PCNX4: variants seen among roughly 807,000 people sequenced by gnomAD.
The protein encoded by PCNX4 is pecanex 4.
Under a neutral mutation model 107.2 loss-of-function variants are expected in PCNX4, and 103 were observed. The observed-to-expected ratio is 0.96, with a 90% confidence interval of 0.82 to 1.13. The LOEUF is 1.13. Ranked by LOEUF, PCNX4 falls within the 50% of genes most tolerant of loss-of-function variation. PCNX4 has a pLI of 0.00. For missense variants in PCNX4, 1,528 were observed against 1,379.4 expected (o/e 1.11, Z -1.71); for synonymous variants, 541 against 481.7 (o/e 1.12, Z -1.61).
chr14:60,124,934 G>A lies in PCNX4; in HGVS notation c.2763G>A (p.Met921Ile). The change falls in exon 9 of 11, where the codon ATG (methionine) becomes ATA (isoleucine). Residue 921 changes from methionine (M) to isoleucine (I), a missense_variant. Met to Ile is a conservative substitution (Grantham distance 10). Transcript: ENST00000406854. ...CLPAEWRTSC[M>I]PSSKMKEMSS... ...CCGCAGAGTGGAGGACTAGCTGTAT[G>A]CCCAGTTCCAAAATGAAGGAGATGA... 3 of 1,613,840 alleles carry A rather than the reference G, an allele frequency of 1.9e-6. No homozygotes were observed. The highest frequency in any genetic ancestry group is 2.5e-6 in the Non-Finnish European group (3 of 1,179,776).
Position 60,137,471 on chromosome 14 carries a change from C to T in PCNX4, c.*3250C>T, listed in dbSNP as rs143672504. The T allele has an allele frequency of 6.6e-6, 1 of 152,288 alleles. No individual in the cohort carries two copies. The highest frequency in any genetic ancestry group is 1.9e-4 in the East Asian group (1 of 5,188). The allele number at this position is 152,288 out of a possible 1,614,324, so 9.4% of individuals were successfully genotyped here. A position where few individuals can be genotyped will look rare whatever the true frequency, so the allele number is the denominator to read the frequency against. ...GATTCAGGTGACCCTTTGCTGCAGC[C>T]GCTACCCAGAGCAAATGTAAATCCT... On this transcript the variant is annotated 3_prime_UTR_variant, in exon 11 of 11. Transcript: ENST00000406854.
intron 10 of PCNX4, chr14:60,126,107 A>C (rs1388724972): frequency 5.2e-6 from 1 of 194,102 alleles, no homozygotes; most frequent in Non-Finnish European, 1.0e-5. Flanking sequence ...GTATGCTATA[A>C]CATATTTGAT....
intron 2 of PCNX4, among the ~76,000 whole-genome samples, chr14:60,113,535 A>AT (rs1317034069): frequency 6.6e-6 from 1 of 151,764 alleles, no homozygotes; most frequent in East Asian, 1.9e-4. Context: ...CACCCAGCTA[A>AT]TTTTTGTATT....
In PCNX4 at chr14:60,145,152, T is replaced by A; in HGVS notation, c.*10931T>A. ...TCTTTACAAAAGTTCAGAAACTGCT[T>A]AAATTAGAATTTAAAAATCATAGCC... is the stretch of plus-strand genomic sequence containing the variant. On this transcript the variant is annotated 3_prime_UTR_variant, in exon 11 of 11. Transcript: ENST00000406854. This position sits in a 1 kb window ranked among gnomAD's most constrained non-coding sequence, Gnocchi z 4.0. 1 of 561,706 alleles carries A rather than the reference T, an allele frequency of 1.8e-6. No homozygotes were observed. Among genetic ancestry groups the A allele is most frequent in the Non-Finnish European group, 2.9e-6 (1 of 341,642 alleles). 34.8% of individuals were successfully genotyped at this position (561,706 alleles called of 1,614,324 possible). A position where few individuals can be genotyped will look rare whatever the true frequency, so the allele number is the denominator to read the frequency against.
At chr14:60,106,075 G>A (rs1054651803) in intron 1 of PCNX4, among the ~76,000 whole-genome samples, 2 of 152,140 alleles carry the variant, frequency 1.3e-5, no homozygotes, top group Non-Finnish European at 2.9e-5. Flanking sequence ...AGACAAGCTC[G>A]TACGGAGGGG....
intron 1 of PCNX4, among the ~76,000 whole-genome samples, chr14:60,098,944 GAAAA>G (rs113426666): frequency 8.3e-6 from 1 of 120,930 alleles, no homozygotes; most frequent in East Asian, 2.4e-4. Flanking sequence ...GTCTCAAAAA[GAAAA>G]AAAAAAAAAG....
Position 60,101,247 on chromosome 14 carries a change from T to C in PCNX4, c.-53-6339T>C, listed in dbSNP as rs537701262. Among the ~76,000 whole-genome samples the C allele has an allele frequency of 3.2e-4, 48 of 152,320 alleles. 1 individual carries two copies. In the South Asian group the frequency reaches 8.7e-3, roughly 28 times the overall value. On this transcript the variant is annotated intron_variant, in intron 1 of 10. Coordinates refer to ENST00000406854, the MANE Select transcript of PCNX4 (RefSeq NM_001330177.2). The stretch of plus-strand genomic sequence containing the variant: ...TGATGTCTTATGCCTCCCTAAAATA[T>C]ATAAAACTAAGCTGTACCTTAGCCA...
chr14:60,134,330 T>TA lies in PCNX4; in HGVS notation c.*109_*110insA. 7.4e-7 allele frequency: 1 copy of TA among 1,360,014 alleles called. No homozygotes were observed. The highest frequency in any genetic ancestry group is 1.0e-6 in the Non-Finnish European group (1 of 988,648). 84.2% of individuals were successfully genotyped at this position (1,360,014 alleles called of 1,614,324 possible). On this transcript the variant is annotated 3_prime_UTR_variant, in exon 11 of 11. Coordinates refer to ENST00000406854, the MANE Select transcript of PCNX4 (RefSeq NM_001330177.2). ...GGACTTCTCCACACCCCCATTCAGA[T>TA]GCCTGAGAACAGCTAAGCTCCGTAA...
chr14:60,113,890 T>C (rs528866083), intron 2 of PCNX4, among the ~76,000 whole-genome samples: 1 of 152,326 alleles, frequency 6.6e-6, no homozygotes, highest in South Asian at 2.1e-4. Flanking sequence ...TAAAATTAAA[T>C]TATTTGAAGC....
In PCNX4 at chr14:60,134,372, C is replaced by T; in HGVS notation, c.*151C>T. ...GCTCCGTAAAGTTGGTTCTCTTAGC[C>T]ATCTTAATGGTTCTAAAAAACAGCA... On this transcript the variant is annotated 3_prime_UTR_variant, in exon 11 of 11. Coordinates refer to ENST00000406854, the MANE Select transcript of PCNX4 (RefSeq NM_001330177.2). The T allele has an allele frequency of 1.1e-6, 1 of 942,642 alleles. No individual in the cohort carries two copies. Among genetic ancestry groups the T allele is most frequent in the Non-Finnish European group, 1.6e-6 (1 of 634,076 alleles). 58.4% of individuals were successfully genotyped at this position (942,642 alleles called of 1,614,324 possible). A position where few individuals can be genotyped will look rare whatever the true frequency, so the allele number is the denominator to read the frequency against.
chr14:60,107,453 G>A, intron 1 of PCNX4, 133 bp from the exon 2 acceptor site: 2 of 569,138 alleles, frequency 3.5e-6, no homozygotes. Context: ...GTGCCAGAAA[G>A]GGGTCTGAGA....
At chr14:60,104,791 C>T (rs1193414429) in intron 1 of PCNX4, among the ~76,000 whole-genome samples, 1 of 152,172 alleles carries the variant, frequency 6.6e-6, no homozygotes, top group African/African-American at 2.4e-5. Context: ...TTATCTCCCA[C>T]CAGGTCCCTC....
At chr14:60,132,116 C>T (rs758042906) in intron 10 of PCNX4, among the ~76,000 whole-genome samples, 2 of 152,184 alleles carry the variant, frequency 1.3e-5, no homozygotes, top group Non-Finnish European at 1.5e-5. Context: ...AGTAGAGCCA[C>T]GCTTCCTCTA....
chr14:60,111,951 G>A (rs1261696641), intron 2 of PCNX4, among the ~76,000 whole-genome samples: 3 of 152,222 alleles, frequency 2.0e-5, no homozygotes, highest in Non-Finnish European at 2.9e-5. Context: ...CAATAGGTGT[G>A]ATACTGCTGC....
At position 60,108,340 on chromosome 14, in the gene PCNX4, C is replaced by T; in HGVS notation, c.689+13C>T. The T allele has an allele frequency of 6.4e-7, 1 of 1,558,292 alleles. No individual in the cohort carries two copies. The highest frequency in any genetic ancestry group is 8.7e-7 in the Non-Finnish European group (1 of 1,147,686). ...ATCTGGCACACAGGTAAAAACCTAC[C>T]AAATACTTTGTAACTAACTTTGTTT... On this transcript the variant is annotated intron_variant, in intron 2 of 10. Coordinates refer to ENST00000406854, the MANE Select transcript of PCNX4 (RefSeq NM_001330177.2).
Position 60,115,262 on chromosome 14 carries a change from T to G in PCNX4, c.1158T>G (p.Asn386Lys), listed in dbSNP as rs749579601. 1.2e-6 allele frequency: 2 copies of G among 1,612,270 alleles called. No homozygotes were observed. Among genetic ancestry groups the G allele is most frequent in the South Asian group, 2.2e-5 (2 of 90,972 alleles). Residue 386 changes from asparagine (N) to lysine (K), a missense_variant, in exon 4 of 11, where the codon AAT (asparagine) becomes AAG (lysine). By Grantham distance (94) the Asn-to-Lys change is moderately conservative (BLOSUM62 0). Coordinates refer to ENST00000406854, the MANE Select transcript of PCNX4 (RefSeq NM_001330177.2). ...FAGFSQISKS[N>K]SQAIVGYGLM... ...GCTTCTCACAGATTTCTAAAAGCAATTCCCAGGCTATTGTGGGCTATGGTT... is the reference window on the plus strand; with the variant it reads ...GCTTCTCACAGATTTCTAAAAGCAAGTCCCAGGCTATTGTGGGCTATGGTT...
intron 1 of PCNX4, among the ~76,000 whole-genome samples, chr14:60,097,187 G>T (rs1342065526): frequency 6.6e-6 from 1 of 152,166 alleles, no homozygotes; most frequent in Non-Finnish European, 1.5e-5. Context: ...TCTCTTCACT[G>T]CTGGCATTGA....
chr14:60,116,962 T>C (rs567054934), intron 6 of PCNX4, among the ~76,000 whole-genome samples: 9 of 152,176 alleles, frequency 5.9e-5, no homozygotes, highest in East Asian at 5.8e-4. Flanking sequence ...AAAAAACTTA[T>C]AGAATAGGGA....
At position 60,124,505 on chromosome 14, in the gene PCNX4, G is replaced by A; in HGVS notation, c.2334G>A (p.Met778Ile). 6.2e-7 allele frequency: 1 copy of A among 1,613,754 alleles called. No homozygotes were observed. The highest frequency in any genetic ancestry group is 8.5e-7 in the Non-Finnish European group (1 of 1,179,746). ...LVQYCSKRPG[M>I]KENVHNTENK... ...AATACTGCTCCAAAAGGCCTGGCAT[G>A]AAAGAGAATGTTCACAACACTGAAA... The change falls in exon 9 of 11, where the codon ATG (methionine) becomes ATA (isoleucine). Residue 778 changes from methionine to isoleucine, a missense_variant. Coordinates refer to ENST00000406854, the MANE Select transcript of PCNX4 (RefSeq NM_001330177.2).
Sources: gnomAD v4.1 joint callset for allele counts (sites outside exome capture counted in the v4.1 genomes callset) on GRCh38, gnomAD v4.1.1 for gene constraint, Gnocchi (gnomAD v3.1) non-coding constraint, MANE v1.5 for transcripts, NCBI Gene and HGNC (gene_info 2026-07-23, HGNC 2026-07-21) for gene names.